Variants in KLHL26 observed in about 807,000 individuals in gnomAD.
The protein encoded by KLHL26 is kelch-like protein 26.
In KLHL26, 4 loss-of-function variants were observed where a neutral mutation model predicts 7.1. That is an observed-to-expected ratio of 0.56 (90% CI 0.28 to 1.28). The LOEUF is 1.28. KLHL26 is among the 50% of genes most tolerant of loss of function. KLHL26 has a pLI of 0.11. For synonymous variants in KLHL26, 465 were observed against 414.1 expected, an observed-to-expected ratio of 1.12 and a Z score of -1.49; for missense variants, 896 against 924.6, an observed-to-expected ratio of 0.97 and a Z score of 0.40.
In KLHL26 at chr19:18,656,663, A is replaced by G. The variant is rs756789460; in HGVS notation, c.84-7598A>G. ...AGGACGCTGTGTGAGTTGGGCCAAC[A>G]GGCGCAACTCACGGCGAGCCCTGTC... is the stretch of plus-strand genomic sequence containing the variant. On this transcript the variant is annotated intron_variant, in intron 1 of 2. Transcript: ENST00000300976. This position sits in a 1 kb window ranked among gnomAD's most constrained non-coding sequence, Gnocchi z 4.4. Among the ~76,000 whole-genome samples, 47 of 143,464 alleles carry G rather than the reference A, an allele frequency of 3.3e-4. No individual in the cohort carries two copies. The highest frequency in any genetic ancestry group is 5.9e-4 in the Non-Finnish European group (39 of 66,184). The allele number at this position is 143,464 out of a possible 152,430, so 94.1% of individuals were successfully genotyped here.
rs751687620 is a variant in KLHL26 at position 18,668,429 on chromosome 19, C to G, written c.1032C>G (p.Leu344=). 1 of 1,611,424 alleles carries G rather than the reference C, an allele frequency of 6.2e-7. No individual in the cohort carries two copies. Among genetic ancestry groups the G allele is most frequent in the East Asian group, 2.2e-5 (1 of 44,866 alleles). The part of the protein sequence containing the change: ...PEPGARHFRE[L]TEMEVGCSHT... ...CGGGAGCCCGCCACTTCCGCGAGCT[C>G]ACGGAGATGGAGGTAGGCTGCAGCC... Residue 344 remains leucine (L), a synonymous_variant, in exon 3 of 3, where the codon CTC becomes CTG. Transcript: ENST00000300976.
In KLHL26 at chr19:18,668,962, G is replaced by A. The variant is rs1004967656; in HGVS notation, c.1565G>A (p.Arg522His). 12 of 1,611,552 alleles carry A rather than the reference G, an allele frequency of 7.4e-6. No individual in the cohort carries two copies. The highest frequency in any genetic ancestry group is 1.0e-5 in the Non-Finnish European group (12 of 1,179,926). ...GGGGGCCGCATGGACCACGTGGACC[G>A]CTGCTTCGACGTGCTGGCTGTGGAG... ...ALGGRMDHVD[R>H]CFDVLAVEYY... The change falls in exon 3 of 3, where the codon CGC becomes CAC. Residue 522 changes from arginine to histidine, a missense_variant. Transcript: ENST00000300976.
chr19:18,640,387 G>A (rs112309526), intron 1 of KLHL26, among the ~76,000 whole-genome samples: 6 of 151,664 alleles, frequency 4.0e-5, no homozygotes, highest in South Asian at 2.1e-4. Flanking sequence ...CTACAAGGGC[G>A]TATGCCACCA....
Position 18,649,949 on chromosome 19 carries a change from C to T in KLHL26, c.83+12812C>T, listed in dbSNP as rs1009095464. Among the ~76,000 whole-genome samples, 11 of 152,338 alleles carry T rather than the reference C, an allele frequency of 7.2e-5. No individual in the cohort carries two copies. Among genetic ancestry groups the T allele is most frequent in the South Asian group, 2.1e-4 (1 of 4,822 alleles). On this transcript the variant is annotated intron_variant, in intron 1 of 2. Coordinates refer to ENST00000300976, the MANE Select transcript of KLHL26 (RefSeq NM_018316.3). The surrounding 1 kb of genome is among the most constrained non-coding windows in gnomAD (Gnocchi z 4.0). The stretch of plus-strand genomic sequence containing the variant: ...CCTGATCGCTCTGTGTGCACCACCA[C>T]GGTGCACACTGAAAATATTGTGATC...
In KLHL26 at chr19:18,669,331, T is replaced by TG; in HGVS notation, c.*87dup. 2 of 1,100,412 alleles carry TG rather than the reference T, an allele frequency of 1.8e-6. No homozygotes were observed. Among genetic ancestry groups the TG allele is most frequent in the East Asian group, 4.7e-5 (2 of 42,286 alleles). 68.2% of individuals were successfully genotyped at this position (1,100,412 alleles called of 1,614,324 possible). ...ATGCACGTCTGCCTGAGAACCCCAG[T>TG]GCCCCCCTTCGCCCGGGCTGCCCTT... On this transcript the variant is annotated 3_prime_UTR_variant, in exon 3 of 3. Coordinates refer to ENST00000300976, the MANE Select transcript of KLHL26 (RefSeq NM_018316.3).
intron 2 of KLHL26, among the ~76,000 whole-genome samples, chr19:18,665,060 GTT>G (rs775490262): frequency 2.2e-5 from 3 of 136,366 alleles, no homozygotes; most frequent in African/African-American, 2.7e-5. Context: ...GATCTGTTTT[GTT>G]TTTTTTTTTT....
chr19:18,637,128 GC>G lies in KLHL26; in HGVS notation c.77del (p.Pro26ArgfsTer42). On this transcript the variant is annotated frameshift_variant, in exon 1 of 3. Coordinates refer to ENST00000300976, the MANE Select transcript of KLHL26 (RefSeq NM_018316.3). LOFTEE classifies it high-confidence loss of function. ...GAFGAGPGPE[R>X]PNSTADKNGA... ...TTCGGCGCGGGCCCGGGCCCCGAGC[GC>G]CCGAACAGGTGAGACCCGGCCCGCA... 1 of 1,351,912 alleles carries G rather than the reference GC, an allele frequency of 7.4e-7. No individual in the cohort carries two copies. Among genetic ancestry groups the G allele is most frequent in the Non-Finnish European group, 9.5e-7 (1 of 1,053,972 alleles). The allele number at this position is 1,351,912 out of a possible 1,614,324, so 83.7% of individuals were successfully genotyped here. A position where few individuals can be genotyped will look rare whatever the true frequency, so the allele number is the denominator to read the frequency against.
intron 1 of KLHL26, among the ~76,000 whole-genome samples, chr19:18,642,369 G>GTA (rs1976728327): frequency 6.6e-6 from 1 of 151,384 alleles, no homozygotes; most frequent in African/African-American, 2.4e-5. Flanking sequence ...GTGTGTGTGT[G>GTA]TGTGTGTGTG....
chr19:18,666,208 G>T (rs1461543427), intron 2 of KLHL26, among the ~76,000 whole-genome samples: 1 of 152,182 alleles, frequency 6.6e-6, no homozygotes, highest in African/African-American at 2.4e-5. Context: ...GCTCAGAGAT[G>T]CTGAAGAGCT....
chr19:18,661,255 G>A (rs932196430), intron 1 of KLHL26, among the ~76,000 whole-genome samples: 1 of 152,096 alleles, frequency 6.6e-6, no homozygotes, highest in Non-Finnish European at 1.5e-5. Context: ...AACTGATCCT[G>A]CCTTCTGGGT....
intron 1 of KLHL26, among the ~76,000 whole-genome samples, chr19:18,654,357 C>T (rs1285755995): frequency 1.3e-5 from 2 of 149,872 alleles, no homozygotes; most frequent in Admixed American, 6.6e-5. Flanking sequence ...CCACCATCTG[C>T]CCACTCATCC....
In KLHL26 at chr19:18,664,255, C is replaced by T; in HGVS notation, c.84-6C>T. ...GGCCATGTCCCCACCTCTGCTTTCC[C>T]CGCAGCACGGCCGACAAGAACGGGG... On this transcript the variant is annotated splice_region_variant and splice_polypyrimidine_tract_variant and intron_variant, in intron 1 of 2. Coordinates refer to ENST00000300976, the MANE Select transcript of KLHL26 (RefSeq NM_018316.3). 6.3e-7 allele frequency: 1 copy of T among 1,590,642 alleles called. No homozygotes were observed. The highest frequency in any genetic ancestry group is 1.1e-5 in the South Asian group (1 of 88,006).
intron 1 of KLHL26, among the ~76,000 whole-genome samples, chr19:18,654,781 C>A (rs116703074): frequency 6.6e-6 from 1 of 152,100 alleles, no homozygotes; most frequent in Non-Finnish European, 1.5e-5. Context: ...ATCCACTCAC[C>A]GATTCACCCA....
Position 18,668,631 on chromosome 19 carries a change from T to A in KLHL26, c.1234T>A (p.Cys412Ser), listed in dbSNP as rs751456291. ...SRIQFQLNVL[C>S]GMVYATGGRN... ...CATCCAGTTCCAGCTGAACGTGCTG[T>A]GCGGCATGGTGTACGCCACGGGCGG... Residue 412 changes from cysteine to serine, a missense_variant, in exon 3 of 3, where the codon TGC becomes AGC. Cys to Ser is a moderately radical substitution (Grantham distance 112). Coordinates refer to ENST00000300976, the MANE Select transcript of KLHL26 (RefSeq NM_018316.3). 15 of 1,580,136 alleles carry A rather than the reference T, an allele frequency of 9.5e-6. No homozygotes were observed. The South Asian group carries it at 1.6e-4, about 17-fold the overall frequency.
rs1021736198 is a variant in KLHL26 at position 18,649,407 on chromosome 19, G to T, written c.83+12270G>T. 1.3e-5 allele frequency among the ~76,000 whole-genome samples: 2 copies of T among 152,150 alleles called. No homozygotes were observed. The highest frequency in any genetic ancestry group is 4.8e-5 in the African/African-American group (2 of 41,418). On this transcript the variant is annotated intron_variant, in intron 1 of 2. Transcript: ENST00000300976. This position sits in a 1 kb window ranked among gnomAD's most constrained non-coding sequence, Gnocchi z 4.0. ...TGCCCAGGCTGGCCGAGGGTCATCC[G>T]CCTCTTCCTCTTCACTTCATTGAAC...
intron 1 of KLHL26, among the ~76,000 whole-genome samples, chr19:18,661,882 C>T (rs949657194): frequency 6.6e-6 from 1 of 151,936 alleles, no homozygotes; most frequent in African/African-American, 2.4e-5. Flanking sequence ...GAACCATTAG[C>T]CCACATTCTT....
Position 18,650,233 on chromosome 19 carries a change from G to A in KLHL26, c.83+13096G>A, listed in dbSNP as rs879270436. Among the ~76,000 whole-genome samples, 8 of 152,228 alleles carry A rather than the reference G, an allele frequency of 5.3e-5. No homozygotes were observed. Among genetic ancestry groups the A allele is most frequent in the African/African-American group, 1.4e-4 (6 of 41,462 alleles). On this transcript the variant is annotated intron_variant, in intron 1 of 2. Coordinates refer to ENST00000300976, the MANE Select transcript of KLHL26 (RefSeq NM_018316.3). The surrounding 1 kb of genome is among the most constrained non-coding windows in gnomAD (Gnocchi z 4.2). ...ATATCCGGAGAGTTCTGCTCTCCAC[G>A]GGATGTTAGAATTTGAGGCAGTCTG... is the stretch of plus-strand genomic sequence containing the variant.
chr19:18,669,238 G>A lies in KLHL26; in HGVS notation c.1841G>A (p.Arg614Lys), dbSNP rs2145415609. 12 of 1,608,670 alleles carry A rather than the reference G, an allele frequency of 7.5e-6. No homozygotes were observed. Among genetic ancestry groups the A allele is most frequent in the African/African-American group, 2.7e-5 (2 of 75,034 alleles). Residue 614 changes from arginine (R) to lysine (K), a missense_variant, in exon 3 of 3, where the codon AGG (arginine) becomes AAG (lysine). Arg to Lys is a conservative substitution (Grantham distance 26). Coordinates refer to ENST00000300976, the MANE Select transcript of KLHL26 (RefSeq NM_018316.3). ...APVLLPRAGT[R>K]R ...GTCCTGCTGCCCCGGGCCGGGACCAGGAGGTAGCCCCCAAGACCCCCGGGA... is the reference window on the plus strand; with the variant it reads ...GTCCTGCTGCCCCGGGCCGGGACCAAGAGGTAGCCCCCAAGACCCCCGGGA...
At chr19:18,664,552 C>A in intron 2 of KLHL26, 109 bp downstream of exon 2, 1 of 848,258 alleles carries the variant, frequency 1.2e-6, no homozygotes, top group Non-Finnish European at 1.8e-6. Flanking sequence ...TACCCAGGGA[C>A]AGCTTCGAGG....
Sources: gnomAD v4.1 joint callset for allele counts (sites outside exome capture counted in the v4.1 genomes callset) on GRCh38, gnomAD v4.1.1 for gene constraint, Gnocchi (gnomAD v3.1) non-coding constraint, MANE v1.5 for transcripts, NCBI Gene and HGNC (gene_info 2026-07-23, HGNC 2026-07-21) for gene names.